The following C8orf34 variants were observed in gnomAD, a reference collection of about 807,000 sequenced individuals.
C8orf34 encodes uncharacterized protein C8orf34.
A neutral mutation model predicts 68.3 loss-of-function variants in C8orf34; 65 were observed. That is an observed-to-expected ratio of 0.95 (90% CI 0.78 to 1.17). The LOEUF (loss-of-function observed/expected upper bound fraction) is 1.17, where lower values mean the gene tolerates loss of function less well. Ranked by LOEUF, C8orf34 falls within the 50% of genes most tolerant of loss-of-function variation. The pLI is 0.00. For missense variants in C8orf34, 664 were observed against 655.4 expected, an observed-to-expected ratio of 1.01 and a Z score of -0.14; for synonymous variants, 244 against 241.2, an observed-to-expected ratio of 1.01 and a Z score of -0.11.
intron 7 of C8orf34, among the ~76,000 whole-genome samples, chr8:68,630,651 G>T (rs1181656425): frequency 1.3e-5 from 2 of 151,750 alleles, no homozygotes; most frequent in African/African-American, 4.8e-5. Context: ...ATGTCATTGA[G>T]GAATATTTTA....
At chr8:68,815,474 G>A (rs1300780379) in intron 12 of C8orf34, among the ~76,000 whole-genome samples, 7 of 152,046 alleles carry the variant, frequency 4.6e-5, no homozygotes, top group East Asian at 1.9e-4. Flanking sequence ...AATAAGTAGC[G>A]TGTACCTGTC....
intron 12 of C8orf34, among the ~76,000 whole-genome samples, chr8:68,793,232 GTAAAGT>G (rs1824065298): frequency 1.3e-5 from 2 of 152,128 alleles, no homozygotes; most frequent in East Asian, 1.9e-4. Flanking sequence ...TATAAAAATA[GTAAAGT>G]TAAACAGTGG....
chr8:68,550,560 A>T lies in C8orf34; in HGVS notation c.1105+17411A>T, dbSNP rs182566926. 5.5e-4 allele frequency among the ~76,000 whole-genome samples: 83 copies of T among 151,948 alleles called. 3 individuals carry two copies. In the East Asian group the frequency reaches 0.012, roughly 22 times the overall value. ...TTCACCTTCACTTGTTTATTTTCTA[A>T]TGCTCATTTTTTCTTTATACAGATC... On this transcript the variant is annotated intron_variant, in intron 7 of 13. Coordinates refer to ENST00000518698, the MANE Select transcript of C8orf34 (RefSeq NM_052958.4).
At chr8:68,468,059 C>T (rs1812224775) in intron 3 of C8orf34, among the ~76,000 whole-genome samples, 1 of 151,908 alleles carries the variant, frequency 6.6e-6, no homozygotes, top group Admixed American at 6.6e-5. Flanking sequence ...AATAGTGTGA[C>T]ATGTTGATTT....
chr8:68,528,218 A>G (rs1455650734), intron 6 of C8orf34, among the ~76,000 whole-genome samples: 2 of 152,042 alleles, frequency 1.3e-5, no homozygotes, highest in Non-Finnish European at 2.9e-5. Context: ...TTCGCCATGT[A>G]TCTTGAATTC....
At chr8:68,410,943 T>C (rs1191014089) in intron 1 of C8orf34, among the ~76,000 whole-genome samples, 1 of 152,168 alleles carries the variant, frequency 6.6e-6, no homozygotes, top group African/African-American at 2.4e-5. Flanking sequence ...GCCTGAATGT[T>C]CTCTCTGACC....
chr8:68,474,786 T>A (rs1812531499), intron 4 of C8orf34, among the ~76,000 whole-genome samples: 1 of 152,238 alleles, frequency 6.6e-6, no homozygotes, highest in African/African-American at 2.4e-5. Context: ...GGCAGGTTTC[T>A]AATGCAAATC....
intron 6 of C8orf34, 127 bp downstream of exon 6, chr8:68,522,098 A>G (rs1483201582): frequency 1.4e-6 from 1 of 720,690 alleles, no homozygotes; most frequent in Non-Finnish European, 2.1e-6. Context: ...ATGTTAGTCT[A>G]TACATAGGAT....
intron 7 of C8orf34, among the ~76,000 whole-genome samples, chr8:68,564,885 A>G (rs1816538450): frequency 6.6e-6 from 1 of 152,176 alleles, no homozygotes; most frequent in Non-Finnish European, 1.5e-5. Flanking sequence ...AGTGCCAAGG[A>G]ACAAATGAGG....
intron 7 of C8orf34, among the ~76,000 whole-genome samples, chr8:68,630,577 G>T (rs1369392552): frequency 6.6e-6 from 1 of 151,920 alleles, no homozygotes; most frequent in Non-Finnish European, 1.5e-5. Flanking sequence ...ATCTTAATAA[G>T]AAATGCACTT....
At chr8:68,438,324 T>A (rs1363397454) in intron 1 of C8orf34, 1 of 152,094 alleles carries the variant, frequency 6.6e-6, no homozygotes, top group African/African-American at 2.4e-5. Context: ...GTGAGGAAGA[T>A]AAAATGATAA....
At chr8:68,402,530 G>A (rs1273938498) in intron 1 of C8orf34, among the ~76,000 whole-genome samples, 2 of 152,054 alleles carry the variant, frequency 1.3e-5, no homozygotes, top group African/African-American at 4.8e-5. Flanking sequence ...CTTTTTTGAT[G>A]TAGGCATTTA....
At chr8:68,424,683 G>A (rs190576397) in intron 1 of C8orf34, among the ~76,000 whole-genome samples, 9 of 152,212 alleles carry the variant, frequency 5.9e-5, no homozygotes, top group East Asian at 5.8e-4. Context: ...GGCAGATCAC[G>A]AGGTCAGGAG....
At chr8:68,475,474 C>G (rs1450794938) in intron 4 of C8orf34, among the ~76,000 whole-genome samples, 4 of 152,172 alleles carry the variant, frequency 2.6e-5, no homozygotes, top group Non-Finnish European at 5.9e-5. Flanking sequence ...CCATTTCATC[C>G]TGATCCCTCT....
At chr8:68,642,570 A>G (rs960055187) in intron 8 of C8orf34, among the ~76,000 whole-genome samples, 1 of 152,236 alleles carries the variant, frequency 6.6e-6, no homozygotes, top group Non-Finnish European at 1.5e-5. Context: ...AACAATAACC[A>G]GGGTATTAGC....
intron 8 of C8orf34, among the ~76,000 whole-genome samples, chr8:68,702,132 A>C (rs1399502719): frequency 6.6e-6 from 1 of 152,046 alleles, no homozygotes. Flanking sequence ...GGCATAATGT[A>C]ATCTCCATGA....
At chr8:68,812,435 A>G (rs909851273) in intron 12 of C8orf34, among the ~76,000 whole-genome samples, 1 of 152,146 alleles carries the variant, frequency 6.6e-6, no homozygotes, top group Non-Finnish European at 1.5e-5. Flanking sequence ...CATTCTTCAG[A>G]CCAAAAACAT....
intron 8 of C8orf34, among the ~76,000 whole-genome samples, chr8:68,674,080 G>A (rs901865093): frequency 3.9e-5 from 6 of 152,160 alleles, no homozygotes; most frequent in African/African-American, 1.4e-4. Flanking sequence ...ACTGGGATTG[G>A]GGTGCCCCTA....
intron 1 of C8orf34, among the ~76,000 whole-genome samples, chr8:68,424,470 A>G (rs971214862): frequency 6.6e-6 from 1 of 152,222 alleles, no homozygotes; most frequent in African/African-American, 2.4e-5. Context: ...GGATGAGAAA[A>G]GGACAATCAA....
Sources: allele counts gnomAD v4.1 joint callset (sites outside exome capture counted in the v4.1 genomes callset), GRCh38; gene constraint gnomAD v4.1.1; transcripts MANE v1.5; gene names NCBI Gene and HGNC (gene_info 2026-07-23, HGNC 2026-07-21).